TLK2: variants seen among roughly 807,000 people sequenced by gnomAD.
TLK2 encodes serine/threonine-protein kinase tousled-like 2.
In TLK2, 6 loss-of-function variants were observed where a neutral mutation model predicts 117.3. The ratio of observed to expected loss-of-function variants is 0.05; its 90% CI spans 0.03 to 0.10. TLK2 has a LOEUF of 0.10. Ranked by LOEUF, TLK2 falls within the 10% of genes least tolerant of loss-of-function variation. The pLI, the probability that TLK2 is intolerant of heterozygous loss-of-function variation, is 1.00. For missense variants in TLK2, 299 were observed against 901.2 expected, an observed-to-expected ratio of 0.33 and a Z score of 8.56; for synonymous variants, 257 against 316.7, an observed-to-expected ratio of 0.81 and a Z score of 2.00.
chr17:62,550,363 T>C (rs1466372570), intron 7 of TLK2: 5 of 152,364 alleles, frequency 3.3e-5, no homozygotes, highest in East Asian at 1.9e-4. Context: ...TTAGCACTTA[T>C]CCTAATTGTG....
chr17:62,611,371 G>A (rs1168022302), intron 21 of TLK2, among the ~76,000 whole-genome samples: 2 of 152,108 alleles, frequency 1.3e-5, no homozygotes, highest in Non-Finnish European at 2.9e-5. Flanking sequence ...TCAAACATGG[G>A]GGAAAACCAA....
chr17:62,558,899 T>A (rs967548749), intron 9 of TLK2, among the ~76,000 whole-genome samples: 4 of 152,244 alleles, frequency 2.6e-5, no homozygotes, highest in Admixed American at 6.5e-5. Context: ...TATCGTGTGA[T>A]ATCTTCTGTT....
intron 7 of TLK2, among the ~76,000 whole-genome samples, chr17:62,542,188 C>T (rs1377364958): frequency 6.6e-6 from 1 of 152,136 alleles, no homozygotes. Context: ...AAAATTCTTC[C>T]CTTGGATTTC....
At chr17:62,480,427 G>A (rs894688527) in intron 1 of TLK2, among the ~76,000 whole-genome samples, 1 of 152,222 alleles carries the variant, frequency 6.6e-6, no homozygotes, top group Non-Finnish European at 1.5e-5. Context: ...AGGGCTAAAA[G>A]CAGATGTCCA....
intron 19 of TLK2, among the ~76,000 whole-genome samples, chr17:62,603,293 G>C (rs1263490160): frequency 6.6e-6 from 1 of 152,122 alleles, no homozygotes; most frequent in Non-Finnish European, 1.5e-5. Context: ...GCTCCTTACT[G>C]CTTGTGGAAA....
intron 7 of TLK2, 57 bp downstream of exon 7, chr17:62,536,394 T>A: frequency 2.0e-6 from 3 of 1,509,504 alleles, no homozygotes; most frequent in Non-Finnish European, 2.7e-6. Context: ...TGCTCCTTGA[T>A]GAGGTTGGAT....
intron 2 of TLK2, among the ~76,000 whole-genome samples, chr17:62,497,727 T>C (rs190828253): frequency 6.6e-6 from 1 of 152,232 alleles, no homozygotes; most frequent in East Asian, 1.9e-4. Flanking sequence ...AGAGTTTTGC[T>C]CTTGTTGCCC....
At chr17:62,507,687 G>A (rs2074815374) in intron 2 of TLK2, among the ~76,000 whole-genome samples, 1 of 152,100 alleles carries the variant, frequency 6.6e-6, no homozygotes, top group South Asian at 2.1e-4. Context: ...ACTTTTACAG[G>A]AGTGAAAGAT....
intron 2 of TLK2, among the ~76,000 whole-genome samples, chr17:62,510,130 A>G (rs1007887183): frequency 6.6e-6 from 1 of 152,168 alleles, no homozygotes; most frequent in Non-Finnish European, 1.5e-5. Context: ...AAAATTAGCC[A>G]GACGTGGTGG....
At chr17:62,529,893 T>C (rs2145715136) in intron 6 of TLK2, among the ~76,000 whole-genome samples, 1 of 152,254 alleles carries the variant, frequency 6.6e-6, no homozygotes, top group East Asian at 1.9e-4. Context: ...TTGGTGTTTC[T>C]CTTAGAAAGT....
chr17:62,487,639 T>TG (rs1484474667), intron 2 of TLK2, among the ~76,000 whole-genome samples: 1 of 149,020 alleles, frequency 6.7e-6, no homozygotes, highest in Non-Finnish European at 1.5e-5. Flanking sequence ...TTTTTTTTTT[T>TG]TGAGACGGAG....
upstream of TLK2, among the ~76,000 whole-genome samples, chr17:62,476,350 G>A (rs1298917336): frequency 1.3e-5 from 2 of 151,936 alleles, no homozygotes; most frequent in Non-Finnish European, 2.9e-5. Flanking sequence ...TTGGGAGGCC[G>A]AGGTGGGCGG....
chr17:62,587,002 C>A (rs1189525866), intron 16 of TLK2, among the ~76,000 whole-genome samples: 1 of 151,986 alleles, frequency 6.6e-6, no homozygotes, highest in African/African-American at 2.4e-5. Context: ...CTCCCGGTCA[C>A]AGTTTGCCCA....
intron 14 of TLK2, among the ~76,000 whole-genome samples, chr17:62,579,153 G>C (rs1290284832): frequency 6.6e-6 from 1 of 152,100 alleles, no homozygotes; most frequent in Non-Finnish European, 1.5e-5. Flanking sequence ...TAAAGCCATA[G>C]CTTGTATATT....
In TLK2 at chr17:62,602,053, T is replaced by C; in HGVS notation, c.1732T>C (p.Leu578=). The C allele has an allele frequency of 6.2e-7, 1 of 1,609,974 alleles. No individual in the cohort carries two copies. The highest frequency in any genetic ancestry group is 1.1e-5 in the South Asian group (1 of 90,186). The part of the protein sequence containing the change: ...HYDLKPGNIL[L]VNGTACGEIK... The stretch of plus-strand genomic sequence containing the variant: ...TTTTTATTTTTTAGGTAATATTCTT[T>C]TAGTAAATGGTACAGCGTGTGGAGA... The change falls in exon 19 of 22, where the codon TTA becomes CTA. Residue 578 remains leucine, a synonymous_variant. Coordinates refer to ENST00000346027, the MANE Select transcript of TLK2 (RefSeq NM_006852.6).
At chr17:62,599,351 A>G (rs2082709612) in intron 17 of TLK2, among the ~76,000 whole-genome samples, 1 of 152,226 alleles carries the variant, frequency 6.6e-6, no homozygotes, top group African/African-American at 2.4e-5. Flanking sequence ...TGCTTTATGA[A>G]GGCCTCAAAT....
chr17:62,479,758 A>G (rs1258739259), intron 1 of TLK2, among the ~76,000 whole-genome samples: 1 of 152,094 alleles, frequency 6.6e-6, no homozygotes, highest in African/African-American at 2.4e-5. Flanking sequence ...TTTCCTTAAC[A>G]TGAGTTGACA....
chr17:62,490,686 C>G (rs983413919), intron 2 of TLK2, among the ~76,000 whole-genome samples: 3 of 152,044 alleles, frequency 2.0e-5, no homozygotes, highest in African/African-American at 7.3e-5. Flanking sequence ...GGACTATAGG[C>G]ACGCGCCACC....
chr17:62,545,422 A>G (rs2077833147), intron 7 of TLK2, among the ~76,000 whole-genome samples: 1 of 152,160 alleles, frequency 6.6e-6, no homozygotes, highest in Non-Finnish European at 1.5e-5. Flanking sequence ...TTTCTTGTTC[A>G]TGATTTTTAA....
Sources: allele counts gnomAD v4.1 joint callset (sites outside exome capture counted in the v4.1 genomes callset), GRCh38; gene constraint gnomAD v4.1.1; transcripts MANE v1.5; gene names NCBI Gene and HGNC (gene_info 2026-07-23, HGNC 2026-07-21).